The following ITGA8 variants were observed in gnomAD, a reference collection of about 807,000 sequenced individuals.
The protein encoded by ITGA8 is integrin subunit alpha 8.
ITGA8 carries 91 observed loss-of-function variants against 142.3 expected under a neutral mutation model. That is an observed-to-expected ratio of 0.64 (90% CI 0.54 to 0.76). ITGA8 has a LOEUF of 0.76. Ranked by LOEUF, ITGA8 falls within the 30% of genes least tolerant of loss-of-function variation. The pLI is 0.00. For synonymous variants in ITGA8, 505 were observed against 485.2 expected, an observed-to-expected ratio of 1.04 and a Z score of -0.54; for missense variants, 1,406 against 1,327.7, an observed-to-expected ratio of 1.06 and a Z score of -0.92.
chr10:15,656,628 G>T (rs1834190791), intron 10 of ITGA8, among the ~76,000 whole-genome samples: 1 of 152,116 alleles, frequency 6.6e-6, no homozygotes, highest in Non-Finnish European at 1.5e-5. Context: ...CTCCCAAAGT[G>T]CTGGGATTAC....
chr10:15,643,415 G>A (rs1045883150), intron 13 of ITGA8, among the ~76,000 whole-genome samples: 3 of 152,112 alleles, frequency 2.0e-5, no homozygotes, highest in Non-Finnish European at 4.4e-5. Flanking sequence ...GAGTAACTGG[G>A]ACTACAGGCA....
chr10:15,641,724 C>T (rs544251203), intron 13 of ITGA8, among the ~76,000 whole-genome samples: 6 of 152,074 alleles, frequency 3.9e-5, no homozygotes, highest in African/African-American at 7.2e-5. Flanking sequence ...AGAGACAAGA[C>T]GCACAGCACT....
rs587777281 is a variant in ITGA8 at position 15,672,662 on chromosome 10, G to A, written c.764C>T (p.Thr255Met). Residue 255 changes from threonine to methionine, a missense_variant, in exon 7 of 30, where the codon ACG becomes ATG. Transcript: ENST00000378076. ...ATCATAGGAAGCTGGAGCCACTTCC[G>A]TCTGCTTTTCTCCTGCCAGTTTCCT... ...ILRKLAGEKQ[T>M]EVAPASYDDS... is the part of the protein sequence containing the mutation. 1.1e-5 allele frequency: 17 copies of A among 1,613,630 alleles called. No individual in the cohort carries two copies. The highest frequency in any genetic ancestry group is 4.0e-5 in the African/African-American group (3 of 74,888).
intron 12 of ITGA8, 95 bp from the exon 13 acceptor site, chr10:15,644,316 G>C: frequency 8.5e-7 from 1 of 1,173,204 alleles, no homozygotes; most frequent in Non-Finnish European, 1.2e-6. Flanking sequence ...CACCCAAGCT[G>C]GAGTGCAGTG....
intron 26 of ITGA8, among the ~76,000 whole-genome samples, chr10:15,557,273 G>A (rs921710779): frequency 1.3e-5 from 2 of 152,092 alleles, no homozygotes; most frequent in South Asian, 2.1e-4. Context: ...CCAGCTACTC[G>A]GGAGACTGAG....
intron 13 of ITGA8, among the ~76,000 whole-genome samples, chr10:15,640,951 T>C (rs547892712): frequency 1.8e-4 from 28 of 152,320 alleles, no homozygotes; most frequent in African/African-American, 6.5e-4. Context: ...AAGCCAATAA[T>C]AGCAGATGAT....
intron 23 of ITGA8, among the ~76,000 whole-genome samples, chr10:15,578,938 C>A (rs138793549): frequency 4.3e-4 from 65 of 152,106 alleles, no homozygotes; most frequent in Non-Finnish European, 8.5e-4. Flanking sequence ...AGAAATGGAA[C>A]AATTCTCAGT....
At chr10:15,548,850 T>C (rs1476748546) in intron 26 of ITGA8, among the ~76,000 whole-genome samples, 1 of 152,172 alleles carries the variant, frequency 6.6e-6, no homozygotes, top group Non-Finnish European at 1.5e-5. Flanking sequence ...TTCTCAGAAC[T>C]GGGGAAGGCA....
At chr10:15,644,280 A>G in intron 12 of ITGA8, 59 bp from the exon 13 acceptor site, 1 of 1,485,018 alleles carries the variant, frequency 6.7e-7, no homozygotes, top group East Asian at 2.4e-5. Context: ...TCATTTGTTC[A>G]TTTTAGAGAC....
chr10:15,641,845 A>G (rs1833877272), intron 13 of ITGA8, among the ~76,000 whole-genome samples: 1 of 152,178 alleles, frequency 6.6e-6, no homozygotes, highest in Admixed American at 6.5e-5. Context: ...ATTAAGAGGT[A>G]ATCGGCTGAT....
At chr10:15,562,728 G>A (rs975569329) in intron 25 of ITGA8, among the ~76,000 whole-genome samples, 2 of 152,330 alleles carry the variant, frequency 1.3e-5, no homozygotes, top group East Asian at 1.9e-4. Context: ...CTGGGAGGTG[G>A]AGTGCATGGA....
At chr10:15,599,238 C>T (rs1043505922) in intron 20 of ITGA8, among the ~76,000 whole-genome samples, 3 of 151,942 alleles carry the variant, frequency 2.0e-5, no homozygotes, top group African/African-American at 4.8e-5. Flanking sequence ...TATTTCCTCT[C>T]GTTAATAAGA....
rs150148399 is a variant in ITGA8 at position 15,605,733 on chromosome 10, G to T, written c.1961C>A (p.Ser654Ter). The change falls in exon 19 of 30, where the codon TCG (serine) becomes TAG (stop). Residue 654 changes from serine (S) to a stop codon, truncating the protein, a stop_gained. Transcript: ENST00000378076. LOFTEE classifies it high-confidence loss of function. ...AGTTATTTAAACTTACGGTCTAGCC[G>T]ACAGCTTCAAGTCAGGAACACACAG... The part of the protein sequence containing the change: ...DNLCVPDLKL[S>*]ARPDKHQVII... 6.2e-7 allele frequency: 1 copy of T among 1,612,690 alleles called. No homozygotes were observed. The highest frequency in any genetic ancestry group is 1.3e-5 in the African/African-American group (1 of 74,982).
chr10:15,549,159 A>G (rs965206696), intron 26 of ITGA8, among the ~76,000 whole-genome samples: 4 of 146,772 alleles, frequency 2.7e-5, no homozygotes, highest in Non-Finnish European at 4.5e-5. Flanking sequence ...ATGACATTCT[A>G]TCTATCAAAT....
chr10:15,546,589 T>A (rs1833673752), intron 27 of ITGA8, among the ~76,000 whole-genome samples: 1 of 152,062 alleles, frequency 6.6e-6, no homozygotes, highest in African/African-American at 2.4e-5. Context: ...CTAAGTATCC[T>A]ATAATGCCCA....
chr10:15,612,300 A>G (rs559123509), intron 15 of ITGA8, among the ~76,000 whole-genome samples: 2 of 152,178 alleles, frequency 1.3e-5, no homozygotes, highest in East Asian at 3.9e-4. Flanking sequence ...TCCAGTATGA[A>G]CTCCTGTCAA....
intron 20 of ITGA8, among the ~76,000 whole-genome samples, chr10:15,601,230 C>A (rs1452477924): frequency 1.3e-5 from 2 of 150,880 alleles, no homozygotes; most frequent in African/African-American, 2.5e-5. Flanking sequence ...CAGAGCAAGA[C>A]TCCATAAAAA....
chr10:15,572,967 C>T (rs1006552537), intron 24 of ITGA8, among the ~76,000 whole-genome samples: 1 of 152,178 alleles, frequency 6.6e-6, no homozygotes, highest in East Asian at 1.9e-4. Context: ...TTTTTTAACA[C>T]GTGAATCCTA....
intron 15 of ITGA8, among the ~76,000 whole-genome samples, chr10:15,610,515 T>A (rs184751224): frequency 3.2e-4 from 48 of 152,114 alleles, no homozygotes; most frequent in African/African-American, 1.1e-3. Flanking sequence ...AAAAAACCCA[T>A]CAAATCAATC....
Sources: gnomAD v4.1 joint callset for allele counts (sites outside exome capture counted in the v4.1 genomes callset) on GRCh38, gnomAD v4.1.1 for gene constraint, MANE v1.5 for transcripts, NCBI Gene and HGNC (gene_info 2026-07-23, HGNC 2026-07-21) for gene names.